The following PAN3 variants were observed in gnomAD, a reference collection of about 807,000 sequenced individuals.
PAN3 encodes PAN2-PAN3 deadenylation complex subunit PAN3.
Under a neutral mutation model 96.2 loss-of-function variants are expected in PAN3, and 19 were observed. That is an observed-to-expected ratio of 0.20 (90% CI 0.14 to 0.29). The LOEUF (loss-of-function observed/expected upper bound fraction) is 0.29. Ranked by LOEUF, PAN3 falls within the 10% of genes least tolerant of loss-of-function variation. The pLI is 1.00. For synonymous variants in PAN3, 433 were observed against 406.6 expected, an observed-to-expected ratio of 1.06 and a Z score of -0.78; for missense variants, 882 against 1,108.1, an observed-to-expected ratio of 0.80 and a Z score of 2.90.
intron 5 of PAN3, among the ~76,000 whole-genome samples, chr13:28,207,440 G>A (rs1461860254): frequency 1.3e-5 from 2 of 152,036 alleles, no homozygotes; most frequent in African/African-American, 2.4e-5. Context: ...GTCATTGGGG[G>A]AAAAAAGGTC....
At position 28,290,382 on chromosome 13, in the gene PAN3, T is replaced by C. The variant is rs187778593; in HGVS notation, c.2524-2000T>C. ...TAAGGAGTATTGTCAATAACCTACA[T>C]TAAGACTGCACAAAACTGGCCAGGC... On this transcript the variant is annotated intron_variant, in intron 18 of 18. Coordinates refer to ENST00000380958, the MANE Select transcript of PAN3 (RefSeq NM_175854.8). 1.9e-4 allele frequency among the ~76,000 whole-genome samples: 29 copies of C among 152,296 alleles called. No homozygotes were observed. In the South Asian group the frequency reaches 3.3e-3, roughly 17 times the overall value.
intron 6 of PAN3, among the ~76,000 whole-genome samples, chr13:28,228,606 T>C (rs376949676): frequency 1.3e-5 from 2 of 152,318 alleles, no homozygotes; most frequent in South Asian, 4.1e-4. Flanking sequence ...GGTATCCCTA[T>C]ACATAGTAAC....
chr13:28,225,213 GA>G (rs1881865664), intron 6 of PAN3, among the ~76,000 whole-genome samples: 2 of 151,980 alleles, frequency 1.3e-5, no homozygotes, highest in African/African-American at 4.8e-5. Context: ...ATATGTGAGG[GA>G]AAAAGGGAAG....
chr13:28,188,688 G>T (rs1251171517), intron 4 of PAN3, among the ~76,000 whole-genome samples: 1 of 152,150 alleles, frequency 6.6e-6, no homozygotes, highest in African/African-American at 2.4e-5. Context: ...TTCAAAGGAG[G>T]TTTTTATAAT....
At position 28,218,725 on chromosome 13, in the gene PAN3, G is replaced by A. The variant is rs372999852; in HGVS notation, c.853-1506G>A. Among the ~76,000 whole-genome samples the A allele has an allele frequency of 2.6e-5, 4 of 152,084 alleles. No homozygotes were observed. In the South Asian group the frequency reaches 6.2e-4, roughly 24 times the overall value. ...TTAGAGAAACTCATTTTTGAAATTA[G>A]TCTGTTATTTACTGTAATTATAGGA... On this transcript the variant is annotated intron_variant, in intron 5 of 18. Transcript: ENST00000380958.
chr13:28,189,591 G>C (rs1876962155), intron 4 of PAN3, among the ~76,000 whole-genome samples: 1 of 151,974 alleles, frequency 6.6e-6, no homozygotes, highest in Non-Finnish European at 1.5e-5. Context: ...GGAGCTACAA[G>C]GACTTGCGAT....
intron 1 of PAN3, among the ~76,000 whole-genome samples, chr13:28,173,416 T>C (rs1874557518): frequency 6.6e-6 from 1 of 152,240 alleles, no homozygotes; most frequent in African/African-American, 2.4e-5. Context: ...ATATGAACCA[T>C]TAAAATAAAC....
At chr13:28,242,947 T>A (rs1427320833) in intron 6 of PAN3, among the ~76,000 whole-genome samples, 1 of 152,214 alleles carries the variant, frequency 6.6e-6, no homozygotes, top group Non-Finnish European at 1.5e-5. Flanking sequence ...GTATCATAAT[T>A]GGTGTCTTTA....
At chr13:28,191,186 C>T (rs543795488) in intron 4 of PAN3, among the ~76,000 whole-genome samples, 2 of 152,234 alleles carry the variant, frequency 1.3e-5, no homozygotes, top group Admixed American at 1.3e-4. Context: ...ATAAATATTT[C>T]CCTTAAAATT....
intron 18 of PAN3, among the ~76,000 whole-genome samples, chr13:28,289,839 G>A (rs1000194350): frequency 2.0e-5 from 3 of 152,098 alleles, no homozygotes; most frequent in Non-Finnish European, 2.9e-5. Context: ...CCGAGATTGG[G>A]CCACTGCACT....
At chr13:28,214,754 G>A (rs1299170183) in intron 5 of PAN3, 2 of 543,594 alleles carry the variant, frequency 3.7e-6, no homozygotes, top group South Asian at 2.0e-5. Flanking sequence ...GTAGAAACTT[G>A]AGACCAACAA....
At chr13:28,156,090 T>C (rs1386812602) in intron 1 of PAN3, among the ~76,000 whole-genome samples, 3 of 152,100 alleles carry the variant, frequency 2.0e-5, no homozygotes, top group Non-Finnish European at 4.4e-5. Flanking sequence ...AAAGTTGAGG[T>C]GCAAGAAACC....
intron 1 of PAN3, among the ~76,000 whole-genome samples, chr13:28,167,093 T>TA (rs1285017426): frequency 8.8e-5 from 13 of 148,330 alleles, no homozygotes; most frequent in African/African-American, 2.2e-4. Context: ...TTTTTTTTTT[T>TA]TTTTTTTTTT....
At chr13:28,252,295 G>A (rs1160997640) in intron 6 of PAN3, among the ~76,000 whole-genome samples, 1 of 151,470 alleles carries the variant, frequency 6.6e-6, no homozygotes, top group Admixed American at 6.6e-5. Flanking sequence ...GGTTGAGGGA[G>A]GGTGTCCATG....
intron 5 of PAN3, among the ~76,000 whole-genome samples, chr13:28,217,054 C>T (rs1372907680): frequency 6.7e-6 from 1 of 150,360 alleles, no homozygotes; most frequent in Non-Finnish European, 1.5e-5. Context: ...GCAGAAGTTG[C>T]AGTGAGCCGA....
Position 28,195,026 on chromosome 13 carries a change from T to TA in PAN3, c.691-2150dup, listed in dbSNP as rs561564245. 5.2e-4 allele frequency among the ~76,000 whole-genome samples: 78 copies of TA among 151,156 alleles called. 1 individual carries two copies. Among genetic ancestry groups the TA allele is most frequent in the East Asian group, 4.6e-3 (24 of 5,166 alleles). Reference sequence around the variant, plus strand: ...GGCTTTTCTAAAGTATGATAGCAAATAAAAAAAAATGTTCCCTATGCTATA... The same window carrying TA: ...GGCTTTTCTAAAGTATGATAGCAAATAAAAAAAAAATGTTCCCTATGCTATA... On this transcript the variant is annotated intron_variant, in intron 4 of 18. Transcript: ENST00000380958.
intron 9 of PAN3, among the ~76,000 whole-genome samples, chr13:28,266,204 T>G (rs906378491): frequency 1.3e-5 from 2 of 152,208 alleles, no homozygotes; most frequent in Non-Finnish European, 2.9e-5. Flanking sequence ...TTCTAGTTGG[T>G]TTACTATGGC....
chr13:28,192,000 G>A (rs1877328636), intron 4 of PAN3, among the ~76,000 whole-genome samples: 1 of 151,304 alleles, frequency 6.6e-6, no homozygotes, highest in Admixed American at 6.6e-5. Context: ...GCCTCCCAAA[G>A]TGCTGGGATT....
intron 4 of PAN3, among the ~76,000 whole-genome samples, chr13:28,186,719 A>G (rs74913364): frequency 0.01 from 1,558 of 152,330 alleles, 24 homozygotes; most frequent in African/African-American, 0.035. Flanking sequence ...AGTGACAGCT[A>G]CATGGGAGAC....
Sources: allele counts gnomAD v4.1 joint callset (sites outside exome capture counted in the v4.1 genomes callset), GRCh38; gene constraint gnomAD v4.1.1; transcripts MANE v1.5; gene names NCBI Gene and HGNC (gene_info 2026-07-23, HGNC 2026-07-21).